PRKAR2B: variants seen among roughly 807,000 people sequenced by gnomAD.
PRKAR2B encodes the protein cAMP-dependent protein kinase type II-beta regulatory subunit.
PRKAR2B carries 14 observed loss-of-function variants against 49.9 expected under a neutral mutation model. The ratio of observed to expected loss-of-function variants is 0.28; its 90% CI spans 0.19 to 0.44. The LOEUF (loss-of-function observed/expected upper bound fraction) is 0.44, where lower values mean the gene tolerates loss of function less well. PRKAR2B is among the 20% of genes least tolerant of loss of function. The probability of loss-of-function intolerance (pLI) is 1.00; values close to 1 mark genes in which losing one functional copy is unlikely to be tolerated. For synonymous variants in PRKAR2B, 196 were observed against 197.7 expected, an observed-to-expected ratio of 0.99 and a Z score of 0.07; for missense variants, 393 against 537.9, an observed-to-expected ratio of 0.73 and a Z score of 2.67.
rs1421324312 is a variant in PRKAR2B at position 107,161,684 on chromosome 7, T to C, written c.*2102T>C. ...AATAGGTTTTTAAAATTATTAGCTA[T>C]TCATCATGTGTGGGAGAAATAATTG... On this transcript the variant is annotated 3_prime_UTR_variant, in exon 11 of 11. Transcript: ENST00000265717. 2 of 152,260 alleles carry C rather than the reference T, an allele frequency of 1.3e-5. No homozygotes were observed. Among genetic ancestry groups the C allele is most frequent in the African/African-American group, 4.8e-5 (2 of 41,442 alleles). 9.4% of individuals were successfully genotyped at this position (152,260 alleles called of 1,614,324 possible).
At chr7:107,051,319 C>G (rs1231663074) in intron 1 of PRKAR2B, among the ~76,000 whole-genome samples, 1 of 152,116 alleles carries the variant, frequency 6.6e-6, no homozygotes, top group African/African-American at 2.4e-5. Flanking sequence ...GAAGTGAAAT[C>G]TAATATTAGA....
intron 2 of PRKAR2B, among the ~76,000 whole-genome samples, chr7:107,081,241 T>G (rs529667465): frequency 6.6e-6 from 1 of 152,334 alleles, no homozygotes; most frequent in South Asian, 2.1e-4. Context: ...CAAAGATTTC[T>G]CTGAAATGTA....
chr7:107,066,019 A>C (rs112338312), intron 1 of PRKAR2B, among the ~76,000 whole-genome samples: 53 of 152,346 alleles, frequency 3.5e-4, no homozygotes, highest in African/African-American at 1.2e-3. Context: ...CTAGTGGAAT[A>C]TAGTTTGGCA....
intron 1 of PRKAR2B, among the ~76,000 whole-genome samples, chr7:107,066,129 A>G (rs1179404961): frequency 6.6e-6 from 1 of 152,160 alleles, no homozygotes; most frequent in Middle Eastern, 3.2e-3. Context: ...CAAACCTTAT[A>G]TAAATATTTT....
chr7:107,102,668 G>T (rs1269723326), intron 2 of PRKAR2B, among the ~76,000 whole-genome samples: 5 of 152,112 alleles, frequency 3.3e-5, no homozygotes, highest in South Asian at 2.1e-4. Flanking sequence ...AGGAAGAAAA[G>T]ATTTTTTTGT....
intron 2 of PRKAR2B, among the ~76,000 whole-genome samples, chr7:107,077,595 T>C (rs927862362): frequency 1.3e-5 from 2 of 152,196 alleles, no homozygotes; most frequent in African/African-American, 4.8e-5. Flanking sequence ...CAAGCACCTA[T>C]GGCATGGAGT....
intron 1 of PRKAR2B, among the ~76,000 whole-genome samples, chr7:107,046,471 C>G (rs997381): frequency 0.64 from 96,860 of 152,082 alleles, 32,125 homozygotes; most frequent in African/African-American, 0.83. Flanking sequence ...TTTTTAGTTT[C>G]TCCAAAAGAA....
chr7:107,065,240 TG>T (rs1170373072), intron 1 of PRKAR2B, among the ~76,000 whole-genome samples: 3 of 152,186 alleles, frequency 2.0e-5, no homozygotes, highest in Non-Finnish European at 4.4e-5. Context: ...AACACTTTTC[TG>T]CAAAAGGCTA....
chr7:107,059,349 C>G (rs1422146202), intron 1 of PRKAR2B, among the ~76,000 whole-genome samples: 1 of 152,014 alleles, frequency 6.6e-6, no homozygotes, highest in African/African-American at 2.4e-5. Flanking sequence ...TGTACTCTCT[C>G]CTGTCCCATT....
At chr7:107,124,250 T>C (rs1175748195) in intron 3 of PRKAR2B, among the ~76,000 whole-genome samples, 1 of 152,220 alleles carries the variant, frequency 6.6e-6, no homozygotes, top group Non-Finnish European at 1.5e-5. Flanking sequence ...AGATCTAGCA[T>C]GTAGAAACTG....
Position 107,159,821 on chromosome 7 carries a change from A to G in PRKAR2B, c.*239A>G. 2.5e-6 allele frequency: 1 copy of G among 398,534 alleles called. No homozygotes were observed. Among genetic ancestry groups the G allele is most frequent in the East Asian group, 3.9e-5 (1 of 25,962 alleles). 24.7% of individuals were successfully genotyped at this position (398,534 alleles called of 1,614,324 possible). A position where few individuals can be genotyped will look rare whatever the true frequency, so the allele number is the denominator to read the frequency against. On this transcript the variant is annotated 3_prime_UTR_variant, in exon 11 of 11. Transcript: ENST00000265717. Reference sequence around the variant, plus strand: ...TGATAAAATGACTTTGTACTCCACAAAATTATGACTGAAAGGTTTATTAAA... The same window carrying G: ...TGATAAAATGACTTTGTACTCCACAGAATTATGACTGAAAGGTTTATTAAA...
At chr7:107,088,761 G>A (rs192422128) in intron 2 of PRKAR2B, among the ~76,000 whole-genome samples, 7 of 152,072 alleles carry the variant, frequency 4.6e-5, no homozygotes, top group East Asian at 2.0e-4. Context: ...TACCACGCCC[G>A]GCTAATTTTT....
intron 2 of PRKAR2B, among the ~76,000 whole-genome samples, chr7:107,099,509 G>T (rs1452305874): frequency 6.6e-6 from 1 of 152,170 alleles, no homozygotes; most frequent in Non-Finnish European, 1.5e-5. Flanking sequence ...CGCACCCACT[G>T]TCCGACAAGC....
At chr7:107,102,697 G>A (rs976963222) in intron 2 of PRKAR2B, among the ~76,000 whole-genome samples, 1 of 152,268 alleles carries the variant, frequency 6.6e-6, no homozygotes, top group Non-Finnish European at 1.5e-5. Flanking sequence ...TTGAGACAGA[G>A]CCTCGCTCTG....
intron 2 of PRKAR2B, among the ~76,000 whole-genome samples, chr7:107,094,489 T>C (rs940397163): frequency 6.6e-6 from 1 of 152,248 alleles, no homozygotes; most frequent in South Asian, 2.1e-4. Context: ...TTTCTTTTGC[T>C]GTGCAGAAGC....
At chr7:107,077,614 G>A (rs1794424128) in intron 2 of PRKAR2B, among the ~76,000 whole-genome samples, 1 of 152,178 alleles carries the variant, frequency 6.6e-6, no homozygotes, top group African/African-American at 2.4e-5. Flanking sequence ...GTGAGCAGAT[G>A]CCCACTGGCT....
chr7:107,087,949 G>A (rs1794652915), intron 2 of PRKAR2B, among the ~76,000 whole-genome samples: 1 of 151,810 alleles, frequency 6.6e-6, no homozygotes, highest in African/African-American at 2.4e-5. Flanking sequence ...TACAGTCTCA[G>A]TTACTCTGTT....
intron 2 of PRKAR2B, among the ~76,000 whole-genome samples, chr7:107,101,348 A>T (rs1365613217): frequency 6.6e-6 from 1 of 152,092 alleles, no homozygotes; most frequent in Non-Finnish European, 1.5e-5. Context: ...GTTTGGGGGC[A>T]TATCCAAATT....
intron 1 of PRKAR2B, among the ~76,000 whole-genome samples, chr7:107,049,064 G>A (rs1320967183): frequency 6.6e-6 from 1 of 152,120 alleles, no homozygotes; most frequent in Non-Finnish European, 1.5e-5. Flanking sequence ...GTTTACGGTA[G>A]GCTATAGCAT....
Sources: gnomAD v4.1 joint callset for allele counts (sites outside exome capture counted in the v4.1 genomes callset) on GRCh38, gnomAD v4.1.1 for gene constraint, MANE v1.5 for transcripts, NCBI Gene and HGNC (gene_info 2026-07-23, HGNC 2026-07-21) for gene names.